Variants in CADM2 observed in about 807,000 individuals in gnomAD.
CADM2 encodes cell adhesion molecule 2, also known as immunoglobulin superfamily member 4D.
In CADM2, 12 loss-of-function variants were observed where a neutral mutation model predicts 49.8. The ratio of observed to expected loss-of-function variants is 0.24; its 90% confidence interval spans 0.15 to 0.39. CADM2 has a LOEUF of 0.39. CADM2 is among the 10% of genes least tolerant of loss of function. The pLI, the probability that CADM2 is intolerant of heterozygous loss-of-function variation, is 1.00. For missense variants in CADM2, 378 were observed against 492.3 expected (o/e 0.77, Z 2.20); for synonymous variants, 214 against 175.4 (o/e 1.22, Z -1.74).
At chr3:85,119,984 T>G in intron 1 of CADM2, among the ~76,000 whole-genome samples, 1 of 152,150 alleles carries the variant, frequency 6.6e-6, no homozygotes, top group South Asian at 2.1e-4. Context: ...TTAAACAAAT[T>G]TACAAGAATA....
intron 1 of CADM2, among the ~76,000 whole-genome samples, chr3:84,996,333 T>C (rs2033177586): frequency 6.6e-6 from 1 of 152,108 alleles, no homozygotes; most frequent in South Asian, 2.1e-4. Context: ...AATAATATGT[T>C]TCATAAAATT....
At chr3:86,054,397 T>A (rs968374046) in intron 8 of CADM2, among the ~76,000 whole-genome samples, 3 of 152,106 alleles carry the variant, frequency 2.0e-5, no homozygotes, top group African/African-American at 7.2e-5. Flanking sequence ...TAGAACTGAC[T>A]TGTTTAAAAA....
In CADM2 at chr3:85,412,549, T is replaced by C. The variant is rs927079630; in HGVS notation, c.62-313973T>C. Among the ~76,000 whole-genome samples the C allele has an allele frequency of 2.1e-5, 3 of 146,228 alleles. No homozygotes were observed. The Admixed American group carries it at 2.1e-4, about 10-fold the overall frequency. ...TATGTAATTCGTTTTTTTTTTTTTC[T>C]GTATCATGCTTTTGCATTACCAACT... On this transcript the variant is annotated intron_variant, in intron 1 of 9. Transcript: ENST00000383699.
At chr3:85,598,851 GTGTGTA>G (rs138114930) in intron 1 of CADM2, among the ~76,000 whole-genome samples, 45,122 of 147,930 alleles carry the variant, frequency 0.31, 7,603 homozygotes, top group East Asian at 0.55. Flanking sequence ...AAGTGTGTGT[GTGTGTA>G]TATATATATA....
At chr3:85,611,805 G>A (rs920287706) in intron 1 of CADM2, among the ~76,000 whole-genome samples, 4 of 151,568 alleles carry the variant, frequency 2.6e-5, no homozygotes, top group African/African-American at 7.3e-5. Flanking sequence ...TGTGTGTGTT[G>A]AGGGACACAT....
chr3:85,555,097 G>T (rs1482438225), intron 1 of CADM2, among the ~76,000 whole-genome samples: 3 of 152,000 alleles, frequency 2.0e-5, no homozygotes, highest in Non-Finnish European at 4.4e-5. Context: ...GTGTGTCACT[G>T]CTTTCACTGT....
chr3:85,346,758 A>C (rs996017173), intron 1 of CADM2, among the ~76,000 whole-genome samples: 1 of 152,184 alleles, frequency 6.6e-6, no homozygotes, highest in Non-Finnish European at 1.5e-5. Flanking sequence ...AACCTTTGTC[A>C]ATACCAGATG....
At chr3:85,543,421 T>TGTGTGTGGGGGG (rs1491106808) in intron 1 of CADM2, among the ~76,000 whole-genome samples, 4 of 41,852 alleles carry the variant, frequency 9.6e-5, no homozygotes, top group African/African-American at 3.2e-4. Context: ...GCCAAGCTAA[T>TGTGTGTGGGGGG]GTGTGTGTGT....
intron 1 of CADM2, among the ~76,000 whole-genome samples, chr3:85,212,656 A>G (rs1447837066): frequency 6.6e-6 from 1 of 151,866 alleles, no homozygotes; most frequent in Non-Finnish European, 1.5e-5. Flanking sequence ...TGTCTTGAAA[A>G]ATTGTTATAG....
intron 1 of CADM2, among the ~76,000 whole-genome samples, chr3:85,450,714 A>T (rs987853991): frequency 1.3e-5 from 2 of 152,004 alleles, no homozygotes; most frequent in Non-Finnish European, 2.9e-5. Flanking sequence ...AAATAAGAAA[A>T]TCATGTTTTA....
intron 2 of CADM2, among the ~76,000 whole-genome samples, chr3:85,772,386 A>C (rs1425977000): frequency 6.6e-6 from 1 of 152,072 alleles, no homozygotes; most frequent in Non-Finnish European, 1.5e-5. Context: ...TATGCAGAAA[A>C]CGTGTGCATT....
At chr3:85,471,899 C>A (rs1038960554) in intron 1 of CADM2, among the ~76,000 whole-genome samples, 30 of 151,480 alleles carry the variant, frequency 2.0e-4, no homozygotes, top group African/African-American at 6.5e-4. Context: ...CTAATAAAAC[C>A]AGGCCATTCT....
intron 8 of CADM2, among the ~76,000 whole-genome samples, chr3:86,024,176 A>T (rs188166188): frequency 1.3e-5 from 2 of 152,286 alleles, no homozygotes; most frequent in East Asian, 3.9e-4. Context: ...TGCCTCCTTT[A>T]CATTGCCTAT....
At chr3:86,037,143 C>T (rs572359197) in intron 8 of CADM2, among the ~76,000 whole-genome samples, 2 of 152,162 alleles carry the variant, frequency 1.3e-5, no homozygotes, top group South Asian at 4.1e-4. Context: ...TAATGTATTG[C>T]TTTTGCATTT....
intron 6 of CADM2, among the ~76,000 whole-genome samples, chr3:85,917,457 T>C (rs1336155544): frequency 1.3e-5 from 2 of 152,166 alleles, no homozygotes; most frequent in Non-Finnish European, 2.9e-5. Flanking sequence ...TTGTCAGGTT[T>C]GTCAAAGATC....
intron 7 of CADM2, among the ~76,000 whole-genome samples, chr3:85,953,822 T>C (rs68033001): frequency 0.3 from 45,587 of 149,934 alleles, 8,490 homozygotes; most frequent in Non-Finnish European, 0.42. Flanking sequence ...TATACAGCCA[T>C]TTTTAACTAA....
rs1202592582 is a variant in CADM2, at chr3:85,939,830, A to G, written c.791+3973A>G. On this transcript the variant is annotated intron_variant, in intron 7 of 9. Coordinates refer to ENST00000383699, the MANE Select transcript of CADM2 (RefSeq NM_001167675.2). The stretch of plus-strand genomic sequence containing the variant: ...TAGTATGCATAATTGCACAGCACAT[A>G]ACATTCCAATTCTATAAAAGAAGAA... 4.0e-5 allele frequency among the ~76,000 whole-genome samples: 6 copies of G among 148,462 alleles called. No homozygotes were observed. In the East Asian group the frequency reaches 1.2e-3, roughly 29 times the overall value.
chr3:85,032,003 G>A (rs891573207), intron 1 of CADM2, among the ~76,000 whole-genome samples: 2 of 151,918 alleles, frequency 1.3e-5, no homozygotes, highest in Non-Finnish European at 2.9e-5. Flanking sequence ...ATTTATCATT[G>A]CTTGGTTCAT....
chr3:85,721,610 C>A (rs889427178), intron 1 of CADM2, among the ~76,000 whole-genome samples: 1 of 152,182 alleles, frequency 6.6e-6, no homozygotes, highest in African/African-American at 2.4e-5. Flanking sequence ...GGCACCAGCT[C>A]TCCGTGAGGC....
Sources: allele counts gnomAD v4.1 joint callset (sites outside exome capture counted in the v4.1 genomes callset), GRCh38; gene constraint gnomAD v4.1.1; transcripts MANE v1.5; gene names NCBI Gene and HGNC (gene_info 2026-07-23, HGNC 2026-07-21).